Variants in CPA6 observed in about 807,000 individuals in gnomAD.
The protein encoded by CPA6 is carboxypeptidase A6, also known as carboxypeptidase B.
In CPA6, 58 loss-of-function variants were observed where a neutral mutation model predicts 63.3. The observed-to-expected ratio is 0.92, with a 90% CI of 0.74 to 1.14. CPA6 has a LOEUF of 1.14. Ranked by LOEUF, CPA6 falls within the 50% of genes most tolerant of loss-of-function variation. The probability of loss-of-function intolerance (pLI) is 0.00; values close to 1 mark genes in which losing one functional copy is unlikely to be tolerated. For synonymous variants in CPA6, 185 were observed against 179.0 expected, an observed-to-expected ratio of 1.03 and a Z score of -0.27; for missense variants, 565 against 526.6, an observed-to-expected ratio of 1.07 and a Z score of -0.71.
intron 8 of CPA6, among the ~76,000 whole-genome samples, chr8:67,448,155 T>C (rs1409095260): frequency 1.3e-5 from 2 of 152,254 alleles, no homozygotes; most frequent in Non-Finnish European, 2.9e-5. Context: ...TGCTTAATCA[T>C]GTTCTTAGCT....
Position 67,517,441 on chromosome 8 carries a change from A to G in CPA6, c.317+482T>C, listed in dbSNP as rs578022586. Among the ~76,000 whole-genome samples the G allele has an allele frequency of 2.6e-5, 4 of 152,302 alleles. No individual in the cohort carries two copies. In the East Asian group the frequency reaches 5.8e-4, roughly 22 times the overall value. ...TAGGTCTGAGCTCCTGCCCCTGCAC[A>G]TAAGATTTCCCACAATCTGAACTCC... is the stretch of plus-strand genomic sequence containing the variant. On this transcript the variant is annotated intron_variant, in intron 3 of 10. Coordinates refer to ENST00000297770, the MANE Select transcript of CPA6 (RefSeq NM_020361.5).
chr8:67,692,179 A>T (rs1205243832), intron 1 of CPA6, among the ~76,000 whole-genome samples: 4 of 152,134 alleles, frequency 2.6e-5, no homozygotes, highest in African/African-American at 9.7e-5. Flanking sequence ...TCTACTAAAA[A>T]TACAAAATTA....
At chr8:67,671,901 G>A (rs1206621400) in intron 1 of CPA6, among the ~76,000 whole-genome samples, 4 of 152,032 alleles carry the variant, frequency 2.6e-5, no homozygotes, top group Non-Finnish European at 5.9e-5. Flanking sequence ...TGCAATCTTG[G>A]CTCACTGCAA....
chr8:67,681,092 C>T (rs529174314), intron 1 of CPA6, among the ~76,000 whole-genome samples: 3 of 151,074 alleles, frequency 2.0e-5, no homozygotes, highest in South Asian at 2.1e-4. Flanking sequence ...CAAGAGCAGA[C>T]GTTTTTAATT....
intron 1 of CPA6, among the ~76,000 whole-genome samples, chr8:67,680,743 C>T (rs1418778802): frequency 1.3e-5 from 2 of 152,216 alleles, no homozygotes; most frequent in Non-Finnish European, 2.9e-5. Flanking sequence ...TCTTTACCTC[C>T]AGCCCTGACT....
intron 2 of CPA6, among the ~76,000 whole-genome samples, chr8:67,562,034 T>C (rs534123033): frequency 6.6e-6 from 1 of 152,298 alleles, no homozygotes; most frequent in East Asian, 1.9e-4. Context: ...GAATTTATAA[T>C]GGTGAATTCT....
At chr8:67,507,997 CTT>C (rs1344784917) in intron 5 of CPA6, among the ~76,000 whole-genome samples, 4 of 122,300 alleles carry the variant, frequency 3.3e-5, no homozygotes, top group Non-Finnish European at 7.1e-5. Context: ...CTATGGGGTG[CTT>C]TGTGTGTGTG....
intron 8 of CPA6, among the ~76,000 whole-genome samples, chr8:67,449,304 T>C (rs1336131713): frequency 6.6e-6 from 1 of 152,056 alleles, no homozygotes; most frequent in Non-Finnish European, 1.5e-5. Context: ...GGACTCTCTG[T>C]TCTGTTCTGC....
intron 8 of CPA6, among the ~76,000 whole-genome samples, chr8:67,474,224 A>AT (rs1472679592): frequency 6.6e-6 from 1 of 151,888 alleles, no homozygotes; most frequent in African/African-American, 2.4e-5. Flanking sequence ...ATTTATTTTT[A>AT]TTTTTTATTT....
intron 2 of CPA6, among the ~76,000 whole-genome samples, chr8:67,534,824 C>T (rs1014519897): frequency 3.3e-5 from 5 of 151,998 alleles, no homozygotes; most frequent in African/African-American, 7.3e-5. Flanking sequence ...CCCATCAACC[C>T]GTCATCTATA....
At chr8:67,721,180 ACT>A (rs1187271771) in intron 1 of CPA6, among the ~76,000 whole-genome samples, 1 of 152,190 alleles carries the variant, frequency 6.6e-6, no homozygotes, top group Non-Finnish European at 1.5e-5. Context: ...AAAGCTGAGC[ACT>A]CTGGCTACGC....
At chr8:67,469,143 C>A (rs1810998626) in intron 8 of CPA6, among the ~76,000 whole-genome samples, 1 of 152,118 alleles carries the variant, frequency 6.6e-6, no homozygotes, top group South Asian at 2.1e-4. Context: ...TTTTATGTGT[C>A]AATTTGGCTA....
intron 2 of CPA6, among the ~76,000 whole-genome samples, chr8:67,571,053 G>C (rs987957400): frequency 2.6e-5 from 4 of 152,182 alleles, no homozygotes; most frequent in Non-Finnish European, 5.9e-5. Context: ...AGCGATACTT[G>C]CTTGTATCAG....
At chr8:67,699,426 C>G (rs28406371) in intron 1 of CPA6, among the ~76,000 whole-genome samples, 19,480 of 151,694 alleles carry the variant, frequency 0.13, 1,691 homozygotes, top group African/African-American at 0.24. Context: ...GAGCCAGACT[C>G]TGTCTCAAAA....
chr8:67,442,896 T>C (rs1012564523), intron 8 of CPA6, among the ~76,000 whole-genome samples: 2 of 152,166 alleles, frequency 1.3e-5, no homozygotes, highest in African/African-American at 2.4e-5. Flanking sequence ...TCTTGCCAGA[T>C]GCAGGTATCC....
At chr8:67,714,037 A>T (rs973658335) in intron 1 of CPA6, among the ~76,000 whole-genome samples, 1 of 151,982 alleles carries the variant, frequency 6.6e-6, no homozygotes, top group Non-Finnish European at 1.5e-5. Context: ...TTTTTTTTTT[A>T]AATATCAAGG....
chr8:67,587,375 C>T (rs1349405543), intron 2 of CPA6, among the ~76,000 whole-genome samples: 1 of 152,102 alleles, frequency 6.6e-6, no homozygotes, highest in South Asian at 2.1e-4. Context: ...CAGTATCCTC[C>T]TAATTCTGGA....
intron 2 of CPA6, among the ~76,000 whole-genome samples, chr8:67,621,523 G>T (rs898242929): frequency 6.6e-6 from 1 of 152,154 alleles, no homozygotes; most frequent in Non-Finnish European, 1.5e-5. Context: ...GCTTGACACC[G>T]ACTAGATCCA....
rs142649079 is a variant in CPA6 at position 67,554,354 on chromosome 8, A to G, written c.193-36307T>C. Among the ~76,000 whole-genome samples, 98 of 152,268 alleles carry G rather than the reference A, an allele frequency of 6.4e-4. 1 individual carries two copies. The highest frequency in any genetic ancestry group is 2.1e-3 in the African/African-American group (88 of 41,562). On this transcript the variant is annotated intron_variant, in intron 2 of 10. Coordinates refer to ENST00000297770, the MANE Select transcript of CPA6 (RefSeq NM_020361.5). ...AAGAATGGGAGCAAGAGAGAATAAG[A>G]GAGGTGCTACACAATTTTAAACAAC... is the stretch of plus-strand genomic sequence containing the variant.
Sources: allele counts gnomAD v4.1 joint callset (sites outside exome capture counted in the v4.1 genomes callset), GRCh38; gene constraint gnomAD v4.1.1; transcripts MANE v1.5; gene names NCBI Gene and HGNC (gene_info 2026-07-23, HGNC 2026-07-21).